The following STPG2 variants were observed in gnomAD, a reference collection of about 807,000 sequenced individuals.
STPG2 encodes sperm-tail PG-rich repeat-containing protein 2.
A neutral mutation model predicts 54.2 loss-of-function variants in STPG2; 56 were observed. The ratio of observed to expected loss-of-function variants is 1.03; its 90% CI spans 0.83 to 1.29. The LOEUF is 1.29. Ranked by LOEUF, STPG2 falls within the 50% of genes most tolerant of loss-of-function variation. The pLI is 0.00. For missense variants in STPG2, 596 were observed against 544.9 expected (o/e 1.09, Z -0.93); for synonymous variants, 200 against 181.8 (o/e 1.10, Z -0.81).
chr4:97,782,153 C>A (rs1042152231), intron 9 of STPG2, among the ~76,000 whole-genome samples: 1 of 152,154 alleles, frequency 6.6e-6, no homozygotes, highest in Admixed American at 6.5e-5. Flanking sequence ...TCCCTGTTTG[C>A]AGATGACATG....
chr4:98,030,822 T>C (rs879471375), intron 5 of STPG2, among the ~76,000 whole-genome samples: 1 of 152,178 alleles, frequency 6.6e-6, no homozygotes, highest in Non-Finnish European at 1.5e-5. Flanking sequence ...CTGAGATAAC[T>C]GGCTAGTCAT....
intron 4 of STPG2, among the ~76,000 whole-genome samples, chr4:97,534,874 T>G (rs1731494438): frequency 6.6e-6 from 1 of 152,228 alleles, no homozygotes; most frequent in African/African-American, 2.4e-5. Flanking sequence ...TCATAAGGTA[T>G]GTAGCCCTTT....
chr4:97,954,530 A>T (rs774010716), intron 7 of STPG2, among the ~76,000 whole-genome samples: 1 of 152,198 alleles, frequency 6.6e-6, no homozygotes, highest in African/African-American at 2.4e-5. Flanking sequence ...TAAGCCAAAA[A>T]ACTGAAATAC....
At chr4:97,945,313 T>C (rs1733166375) in intron 7 of STPG2, among the ~76,000 whole-genome samples, 1 of 152,186 alleles carries the variant, frequency 6.6e-6, no homozygotes, top group African/African-American at 2.4e-5. Flanking sequence ...ATACAGTATT[T>C]GGTTTTTCAT....
chr4:97,610,046 A>T (rs547848715), intron 10 of STPG2, among the ~76,000 whole-genome samples: 20 of 152,128 alleles, frequency 1.3e-4, no homozygotes, highest in Non-Finnish European at 2.4e-4. Context: ...AAAAAAGATA[A>T]TTTTCCTGAG....
intron 9 of STPG2, among the ~76,000 whole-genome samples, chr4:97,768,514 T>C (rs1446705903): frequency 6.6e-6 from 1 of 152,134 alleles, no homozygotes; most frequent in Non-Finnish European, 1.5e-5. Context: ...GGAGGAGTCA[T>C]GAATATTTAT....
At position 98,140,639 on chromosome 4, in the gene STPG2, T is replaced by C. The variant is rs140448058; in HGVS notation, c.109+2403A>G. ...AAACTTAAAGTTTATTATAGACTAA[T>C]AGGGAATTTTTAAAAAGGGACCAGT... is the stretch of plus-strand genomic sequence containing the variant. On this transcript the variant is annotated intron_variant, in intron 1 of 10. Transcript: ENST00000295268. Among the ~76,000 whole-genome samples the C allele has an allele frequency of 4.3e-3, 650 of 152,116 alleles. 3 individuals are homozygous for C. The highest frequency in any genetic ancestry group is 0.025 in the South Asian group (121 of 4,820).
intron 8 of STPG2, among the ~76,000 whole-genome samples, chr4:97,860,230 G>C (rs1410945936): frequency 6.6e-6 from 1 of 151,894 alleles, no homozygotes; most frequent in Non-Finnish European, 1.5e-5. Context: ...TGTTCCATAT[G>C]AATTTTAGAA....
intron 3 of STPG2, 85 bp downstream of exon 3, chr4:98,128,343 G>T: frequency 1.6e-6 from 2 of 1,225,534 alleles, no homozygotes; most frequent in South Asian, 2.1e-5. Flanking sequence ...TTTTTTTCTT[G>T]GAGAAATAAG....
intron 9 of STPG2, among the ~76,000 whole-genome samples, chr4:97,744,352 CT>C (rs1396767370): frequency 1.3e-5 from 2 of 151,072 alleles, no homozygotes; most frequent in Non-Finnish European, 3.0e-5. Flanking sequence ...TGTCAAATGG[CT>C]TTTTAATTGT....
intron 4 of STPG2, among the ~76,000 whole-genome samples, chr4:97,454,110 A>G (rs1171137301): frequency 6.6e-6 from 1 of 152,202 alleles, no homozygotes; most frequent in African/African-American, 2.4e-5. Context: ...AATATATAAT[A>G]TTTAAAACAA....
chr4:98,023,749 C>T (rs945541888), intron 5 of STPG2, among the ~76,000 whole-genome samples: 4 of 152,310 alleles, frequency 2.6e-5, no homozygotes, highest in African/African-American at 9.6e-5. Context: ...ACCCCTCCCC[C>T]AGCCTTGCTG....
chr4:97,514,867 G>A lies in STPG2; in HGVS notation c.462+197832C>T, dbSNP rs183925232. ...AACATTACCTCGCAAAGTCCTGGGG[G>A]TACCAATTGGTATATCTTATCTAAA... On this transcript the variant is annotated intron_variant, in intron 4 of 4. Coordinates refer to the STPG2 transcript ENST00000522676. 4.2e-3 allele frequency among the ~76,000 whole-genome samples: 634 copies of A among 151,968 alleles called. 4 individuals are homozygous for A. The highest frequency in any genetic ancestry group is 0.021 in the South Asian group (99 of 4,820).
In STPG2 at chr4:97,441,972, A is replaced by C. The variant is rs190055818; in HGVS notation, c.463-254139T>G. On this transcript the variant is annotated intron_variant, in intron 4 of 4. Transcript: ENST00000522676. Reference sequence around the variant, plus strand: ...TGACAAGTATTTTGAGAATAAAAATATTTTATAACAAATTTAGTTATAAAA... The same window carrying C: ...TGACAAGTATTTTGAGAATAAAAATCTTTTATAACAAATTTAGTTATAAAA... Among the ~76,000 whole-genome samples, 917 of 152,184 alleles carry C rather than the reference A, an allele frequency of 6.0e-3. 5 individuals carry two copies. Among genetic ancestry groups the C allele is most frequent in the South Asian group, 0.02 (98 of 4,828 alleles).
intron 4 of STPG2, among the ~76,000 whole-genome samples, chr4:97,478,014 T>C (rs1400788068): frequency 2.0e-5 from 3 of 152,196 alleles, no homozygotes; most frequent in Non-Finnish European, 2.9e-5. Flanking sequence ...GAGATTAAGC[T>C]ATCGCATAAG....
chr4:97,893,228 T>G (rs1730836581), intron 8 of STPG2: 1 of 151,800 alleles, frequency 6.6e-6, no homozygotes, highest in Non-Finnish European at 1.5e-5. Context: ...AGTAGGAGGA[T>G]GAGTGGGATT....
chr4:97,616,243 G>C lies in STPG2; in HGVS notation c.1321-57126C>G, dbSNP rs184292827. Among the ~76,000 whole-genome samples the C allele has an allele frequency of 3.3e-3, 497 of 150,910 alleles. 3 individuals are homozygous for C. Among genetic ancestry groups the C allele is most frequent in the African/African-American group, 0.011 (469 of 41,238 alleles). ...TGATGATTAAAATATCCAATGTTTTGTTTTTGGAAATATTCCATATTATTT... is the reference window on the plus strand; with the variant it reads ...TGATGATTAAAATATCCAATGTTTTCTTTTTGGAAATATTCCATATTATTT... On this transcript the variant is annotated intron_variant, in intron 10 of 10. Transcript: ENST00000295268.
intron 5 of STPG2, chr4:98,048,660 G>A (rs188286212): frequency 1.1e-3 from 179 of 155,914 alleles, no homozygotes; most frequent in African/African-American, 4.0e-3. Flanking sequence ...TGAGCACACC[G>A]CAGACTCAAC....
chr4:97,456,210 A>C (rs779905471), intron 4 of STPG2, among the ~76,000 whole-genome samples: 57 of 152,180 alleles, frequency 3.7e-4, no homozygotes, highest in Admixed American at 3.3e-4. Context: ...AAGAGCTTTA[A>C]TTGGCACAGA....
Sources: gnomAD v4.1 joint callset for allele counts (sites outside exome capture counted in the v4.1 genomes callset) on GRCh38, gnomAD v4.1.1 for gene constraint, MANE v1.5 for transcripts, NCBI Gene and HGNC (gene_info 2026-07-23, HGNC 2026-07-21) for gene names.